CFAP184: variants seen among roughly 807,000 people sequenced by gnomAD.
CFAP184 encodes the protein cilia- and flagella-associated protein 184.
the CFAP184 span, chr4:7,042,716 C>T: frequency 2.0e-6 from 3 of 1,516,686 alleles, no homozygotes; most frequent in Admixed American, 4.0e-5. Context: ...GCCTCGGCTG[C>T]CGTTAGCCCT....
chr4:7,042,627 C>A, the CFAP184 span: 1 of 1,506,884 alleles, frequency 6.6e-7, no homozygotes, highest in Non-Finnish European at 8.8e-7. Context: ...GCTCCTCAGC[C>A]CCAACCTCGG....
At chr4:7,042,761 C>T in the CFAP184 span, 12 of 1,533,994 alleles carry the variant, frequency 7.8e-6, no homozygotes, top group Non-Finnish European at 1.0e-5. Flanking sequence ...GCGGCGGTGC[C>T]TCCCTGCGAA....
At chr4:7,042,314 C>T in the CFAP184 span, 1 of 1,596,942 alleles carries the variant, frequency 6.3e-7, no homozygotes, top group Non-Finnish European at 8.5e-7. Flanking sequence ...CACTCGAGGT[C>T]CTCAAACTCG....
chr4:7,041,134 A>C, the CFAP184 span: 1 of 1,328,958 alleles, frequency 7.5e-7, no homozygotes, highest in Non-Finnish European at 9.9e-7. Context: ...TTTGGAAGCT[A>C]AAACGTTTTG....
At chr4:7,041,671 T>A in the CFAP184 span, 2 of 1,614,208 alleles carry the variant, frequency 1.2e-6, no homozygotes, top group Non-Finnish European at 1.7e-6. Context: ...ATTTCGTTCC[T>A]CAATTTTCTC....
chr4:7,042,214 G>C, the CFAP184 span: 1 of 1,597,522 alleles, frequency 6.3e-7, no homozygotes, highest in Non-Finnish European at 8.5e-7. Flanking sequence ...GTAGCGCTGG[G>C]AGCGGTTCCG....
chr4:7,042,981 T>C, the CFAP184 span: 1 of 1,385,152 alleles, frequency 7.2e-7, no homozygotes, highest in East Asian at 2.7e-5. Context: ...GGCAGGACGC[T>C]GTTAGGTTTC....
At chr4:7,041,451 A>G in the CFAP184 span, 38 of 1,614,050 alleles carry the variant, frequency 2.4e-5, no homozygotes, top group Non-Finnish European at 3.2e-5. Flanking sequence ...CGCACTTCTG[A>G]TTCAGTCTGA....
At chr4:7,041,477 G>A in the CFAP184 span, 22 of 1,614,210 alleles carry the variant, frequency 1.4e-5, no homozygotes, top group Non-Finnish European at 1.8e-5. Context: ...TCCGTCCGCA[G>A]CCCCTCTCGG....
chr4:7,042,194 G>A, the CFAP184 span: 1 of 1,599,954 alleles, frequency 6.3e-7, no homozygotes, highest in East Asian at 2.2e-5. Context: ...TTGTGCTGCA[G>A]GTATAGGTTG....
the CFAP184 span, chr4:7,042,060 C>T: frequency 6.2e-7 from 1 of 1,611,004 alleles, no homozygotes; most frequent in East Asian, 2.2e-5. Context: ...GCTTCTTCAG[C>T]TCCTCCAGCA....
chr4:7,042,288 C>T, the CFAP184 span: 1 of 1,591,016 alleles, frequency 6.3e-7, no homozygotes, highest in Middle Eastern at 1.7e-4. Flanking sequence ...CCTGCAGCTT[C>T]TGGACCTCCT....
the CFAP184 span, chr4:7,042,335 A>G: frequency 1.9e-6 from 3 of 1,606,050 alleles, no homozygotes; most frequent in Non-Finnish European, 2.6e-6. Context: ...TCCCTTCCAT[A>G]GAGGCGCTTC....
At chr4:7,041,932 T>A in the CFAP184 span, 1 of 1,612,864 alleles carries the variant, frequency 6.2e-7, no homozygotes. Flanking sequence ...CATCACCACC[T>A]GCTTCTTGAG....
At chr4:7,042,394 C>G in the CFAP184 span, 1 of 1,612,240 alleles carries the variant, frequency 6.2e-7, no homozygotes, top group Non-Finnish European at 8.5e-7. Flanking sequence ...CCTCTCCTTG[C>G]TCTCCGCGCC....
chr4:7,042,872 C>A, the CFAP184 span: 11 of 1,569,276 alleles, frequency 7.0e-6, no homozygotes, highest in South Asian at 1.2e-5. Flanking sequence ...GACGGCCGCG[C>A]GGCCAGGCTT....
the CFAP184 span, chr4:7,041,166 C>G: frequency 6.8e-7 from 1 of 1,466,822 alleles, no homozygotes; most frequent in Non-Finnish European, 9.0e-7. Flanking sequence ...AAATAGAGTC[C>G]CGTCCCAAAT....
the CFAP184 span, chr4:7,042,871 G>A: frequency 1.9e-6 from 3 of 1,569,224 alleles, no homozygotes; most frequent in Non-Finnish European, 2.6e-6. Flanking sequence ...GGACGGCCGC[G>A]CGGCCAGGCT....
At chr4:7,042,746 C>A in the CFAP184 span, 2 of 1,525,754 alleles carry the variant, frequency 1.3e-6, no homozygotes, top group East Asian at 2.5e-5. Flanking sequence ...TCGGCCTGCT[C>A]GTCCGCGGCG....
Sources: allele counts gnomAD v4.1 joint callset, GRCh38; gene constraint gnomAD v4.1.1; transcripts MANE v1.5; gene names NCBI Gene and HGNC (gene_info 2026-07-23, HGNC 2026-07-21).